Variants in CLSTN2 observed in about 807,000 individuals in gnomAD.
CLSTN2 encodes the protein calsyntenin-2.
Under a neutral mutation model 101.2 loss-of-function variants are expected in CLSTN2, and 48 were observed. The ratio of observed to expected loss-of-function variants is 0.47; its 90% CI spans 0.38 to 0.60. The LOEUF (loss-of-function observed/expected upper bound fraction) is 0.60. Among genes scored for constraint, CLSTN2 ranks in the 20% least tolerant of loss-of-function variants. CLSTN2 has a pLI of 0.00. For synonymous variants in CLSTN2, 481 were observed against 463.6 expected (o/e 1.04, Z -0.48); for missense variants, 1,160 against 1,238.2 (o/e 0.94, Z 0.95).
intron 5 of CLSTN2, among the ~76,000 whole-genome samples, chr3:140,430,316 C>G (rs1046765551): frequency 3.3e-5 from 5 of 152,162 alleles, no homozygotes; most frequent in Non-Finnish European, 7.3e-5. Flanking sequence ...AGCTAGGAGT[C>G]AGCAAAGTGT....
At chr3:140,068,126 G>A (rs2008329553) in intron 1 of CLSTN2, among the ~76,000 whole-genome samples, 1 of 152,196 alleles carries the variant, frequency 6.6e-6, no homozygotes, top group African/African-American at 2.4e-5. Context: ...GGCAGAGCCA[G>A]ACTTGATTCA....
intron 2 of CLSTN2, among the ~76,000 whole-genome samples, chr3:140,350,164 G>A (rs2087590414): frequency 6.6e-6 from 1 of 152,234 alleles, no homozygotes; most frequent in Non-Finnish European, 1.5e-5. Context: ...GGGTGGACAG[G>A]AAGAAAGATA....
intron 1 of CLSTN2, among the ~76,000 whole-genome samples, chr3:140,149,684 C>T (rs193087538): frequency 6.6e-6 from 1 of 152,228 alleles, no homozygotes; most frequent in African/African-American, 2.4e-5. Flanking sequence ...GTCTTGATCT[C>T]TTGACCTTGT....
chr3:140,311,410 A>C (rs892878027), intron 2 of CLSTN2, among the ~76,000 whole-genome samples: 2 of 136,290 alleles, frequency 1.5e-5, no homozygotes, highest in Admixed American at 1.7e-4. Context: ...GGTTCAAGCT[A>C]TTCTCCTGCC....
intron 1 of CLSTN2, among the ~76,000 whole-genome samples, chr3:139,965,942 T>C (rs1227538801): frequency 5.3e-5 from 8 of 152,218 alleles, no homozygotes; most frequent in Non-Finnish European, 2.9e-5. Context: ...GATGTTAGCC[T>C]ATTGAAATAG....
intron 4 of CLSTN2, among the ~76,000 whole-genome samples, chr3:140,413,627 G>A (rs1463263847): frequency 3.3e-5 from 5 of 151,988 alleles, no homozygotes; most frequent in East Asian, 1.9e-4. Flanking sequence ...TATTTCTGAT[G>A]AGCATAGATG....
chr3:140,462,542 G>A (rs1173897824), intron 7 of CLSTN2, among the ~76,000 whole-genome samples: 2 of 152,142 alleles, frequency 1.3e-5, no homozygotes, highest in African/African-American at 4.8e-5. Context: ...AAGTTTGTCT[G>A]GTGTACTAAG....
At chr3:140,068,886 A>G (rs1157864011) in intron 1 of CLSTN2, among the ~76,000 whole-genome samples, 1 of 152,224 alleles carries the variant, frequency 6.6e-6, no homozygotes, top group Non-Finnish European at 1.5e-5. Context: ...CTAACATCAT[A>G]CTGTCTGGTT....
In CLSTN2 at chr3:140,448,714, T is replaced by C. The variant is rs899765554; in HGVS notation, c.973+10T>C. 1.3e-6 allele frequency: 2 copies of C among 1,598,646 alleles called. No homozygotes were observed. On this transcript the variant is annotated intron_variant, in intron 6 of 16. Transcript: ENST00000458420. ...CTTCAAAAGTTATGTGGTAGGTTTT[T>C]CCCTTTTGGGATTTTAAAAATCAAT...
intron 1 of CLSTN2, among the ~76,000 whole-genome samples, chr3:139,984,268 A>T (rs16849630): frequency 0.077 from 11,797 of 152,262 alleles, 489 homozygotes; most frequent in East Asian, 0.14. Flanking sequence ...AGGATGATCC[A>T]TAGTCATGGA....
At chr3:140,078,948 T>G (rs1231116181) in intron 1 of CLSTN2, among the ~76,000 whole-genome samples, 1 of 152,222 alleles carries the variant, frequency 6.6e-6, no homozygotes, top group East Asian at 1.9e-4. Context: ...TATAAATGTT[T>G]ATCCATAAGG....
At chr3:139,990,900 A>G (rs1936103347) in intron 1 of CLSTN2, among the ~76,000 whole-genome samples, 1 of 152,316 alleles carries the variant, frequency 6.6e-6, no homozygotes, top group African/African-American at 2.4e-5. Flanking sequence ...ATTAATTGTT[A>G]TGTCTTCATT....
At chr3:140,358,449 T>C (rs1443557937) in intron 2 of CLSTN2, among the ~76,000 whole-genome samples, 1 of 152,114 alleles carries the variant, frequency 6.6e-6, no homozygotes, top group Non-Finnish European at 1.5e-5. Context: ...GTAGTATTAG[T>C]AATTTAAAGA....
At chr3:140,246,230 C>T (rs4502547) in intron 2 of CLSTN2, among the ~76,000 whole-genome samples, 81,904 of 152,014 alleles carry the variant, frequency 0.54, 24,415 homozygotes, top group East Asian at 0.96. Flanking sequence ...ATTAAGGTGA[C>T]GTTTTATTAT....
At chr3:140,406,594 T>C (rs1022222427) in intron 4 of CLSTN2, among the ~76,000 whole-genome samples, 7 of 152,228 alleles carry the variant, frequency 4.6e-5, no homozygotes, top group Non-Finnish European at 8.8e-5. Context: ...ACAGGCTCTG[T>C]GAAATGACTA....
At chr3:140,521,944 G>T (rs573587812) in intron 8 of CLSTN2, among the ~76,000 whole-genome samples, 1 of 152,142 alleles carries the variant, frequency 6.6e-6, no homozygotes, top group African/African-American at 2.4e-5. Flanking sequence ...ATTCCACCTC[G>T]CTGGGAATCC....
chr3:140,170,501 C>A (rs1295525839), intron 1 of CLSTN2, among the ~76,000 whole-genome samples: 2 of 152,110 alleles, frequency 1.3e-5, no homozygotes, highest in African/African-American at 4.8e-5. Context: ...AGTTACTCAC[C>A]TGCAAAATGA....
At chr3:140,340,116 C>G (rs942097591) in intron 2 of CLSTN2, among the ~76,000 whole-genome samples, 2 of 126,076 alleles carry the variant, frequency 1.6e-5, no homozygotes, top group Non-Finnish European at 3.9e-5. Context: ...GGCTCCTCTC[C>G]CTCCCCTTCT....
chr3:140,466,088 C>A (rs912799971), intron 7 of CLSTN2, among the ~76,000 whole-genome samples: 2 of 152,144 alleles, frequency 1.3e-5, no homozygotes, highest in Non-Finnish European at 2.9e-5. Flanking sequence ...TCCCCTCCTC[C>A]CAGCAGCTAA....
Sources: gnomAD v4.1 joint callset for allele counts (sites outside exome capture counted in the v4.1 genomes callset) on GRCh38, gnomAD v4.1.1 for gene constraint, MANE v1.5 for transcripts, NCBI Gene and HGNC (gene_info 2026-07-23, HGNC 2026-07-21) for gene names.